Variants in MGAT4C observed in about 807,000 individuals in gnomAD.
MGAT4C encodes the protein MGAT4 family member C.
A neutral mutation model predicts 40.1 loss-of-function variants in MGAT4C; 19 were observed. That is an observed-to-expected ratio of 0.47 (90% CI 0.33 to 0.70). The LOEUF is 0.70. Among genes scored for constraint, MGAT4C ranks in the 30% least tolerant of loss-of-function variants. MGAT4C has a pLI of 0.02. For synonymous variants in MGAT4C, 181 were observed against 187.1 expected (o/e 0.97, Z 0.27); for missense variants, 491 against 563.2 (o/e 0.87, Z 1.30).
At chr12:86,769,801 T>G (rs1029086072) in intron 1 of MGAT4C, among the ~76,000 whole-genome samples, 9 of 151,884 alleles carry the variant, frequency 5.9e-5, no homozygotes, top group Non-Finnish European at 1.0e-4. Flanking sequence ...CACTCATAGG[T>G]GAGAACTGAA....
intron 1 of MGAT4C, among the ~76,000 whole-genome samples, chr12:86,226,111 T>C (rs1452392642): frequency 1.3e-5 from 2 of 148,898 alleles, no homozygotes; most frequent in Non-Finnish European, 3.0e-5. Flanking sequence ...ACATGTCATA[T>C]CAACATGAAA....
At chr12:86,242,331 G>A (rs1376858700) in intron 1 of MGAT4C, among the ~76,000 whole-genome samples, 2 of 152,116 alleles carry the variant, frequency 1.3e-5, no homozygotes, top group Non-Finnish European at 2.9e-5. Flanking sequence ...CACTCGCCAC[G>A]AAGCTGGATT....
intron 2 of MGAT4C, among the ~76,000 whole-genome samples, chr12:86,540,097 A>G (rs146471297): frequency 0.01 from 1,573 of 152,276 alleles, 16 homozygotes; most frequent in East Asian, 0.038. Flanking sequence ...GTCCTTGCCC[A>G]TGCCTATGTC....
chr12:86,045,930 T>C (rs993211409), intron 2 of MGAT4C, among the ~76,000 whole-genome samples: 6 of 152,188 alleles, frequency 3.9e-5, no homozygotes. Context: ...TGTATTTTAT[T>C]AGTGTGATCC....
intron 2 of MGAT4C, among the ~76,000 whole-genome samples, chr12:86,670,658 A>C (rs1415657229): frequency 6.6e-6 from 1 of 152,228 alleles, no homozygotes; most frequent in African/African-American, 2.4e-5. Context: ...AAAATTCAAG[A>C]AAATTTCTCT....
In MGAT4C at chr12:86,502,895, TATATATATATATGAGTTCTGCTC is replaced by T. The variant is rs1565809010; in HGVS notation, c.-228-67653_-228-67631del. On this transcript the variant is annotated intron_variant, in intron 2 of 7. Coordinates refer to the MGAT4C transcript ENST00000548651. ...TATATATATATGAGTTCTGCTCATATATATATATATATGAGTTCTGCTCATATATATATATATATGAGTTCTGC... is the reference window on the plus strand; with the variant it reads ...TATATATATATGAGTTCTGCTCATATATATATATATATATATGAGTTCTGC... 3.2e-3 allele frequency among the ~76,000 whole-genome samples: 127 copies of T among 39,440 alleles called. 21 individuals are homozygous for T. The highest frequency in any genetic ancestry group is 4.5e-3 in the Non-Finnish European group (89 of 19,848). The allele number at this position is 39,440 out of a possible 152,430, so 25.9% of individuals were successfully genotyped here. A position where few individuals can be genotyped will look rare whatever the true frequency, so the allele number is the denominator to read the frequency against.
intron 3 of MGAT4C, among the ~76,000 whole-genome samples, chr12:86,413,960 A>G (rs1956654935): frequency 6.6e-6 from 1 of 152,142 alleles, no homozygotes; most frequent in Non-Finnish European, 1.5e-5. Context: ...CTATTTTTTA[A>G]GTAACCAGAA....
chr12:86,532,680 G>T (rs1770639603), intron 2 of MGAT4C, among the ~76,000 whole-genome samples: 1 of 151,940 alleles, frequency 6.6e-6, no homozygotes, highest in Non-Finnish European at 1.5e-5. Flanking sequence ...ATTAAATATG[G>T]TTCTGATAAG....
intron 3 of MGAT4C, among the ~76,000 whole-genome samples, chr12:86,416,188 C>T (rs1430493200): frequency 6.6e-6 from 1 of 151,936 alleles, no homozygotes; most frequent in Non-Finnish European, 1.5e-5. Context: ...GACAATATGC[C>T]AAACCTGTTG....
chr12:86,447,831 A>T (rs1159256738), intron 2 of MGAT4C, among the ~76,000 whole-genome samples: 2 of 152,204 alleles, frequency 1.3e-5, no homozygotes, highest in East Asian at 1.9e-4. Flanking sequence ...GTACTTGCTG[A>T]TCTCTCCAAG....
At chr12:86,707,599 C>A (rs558573221) in intron 2 of MGAT4C, among the ~76,000 whole-genome samples, 1 of 151,290 alleles carries the variant, frequency 6.6e-6, no homozygotes, top group South Asian at 2.1e-4. Flanking sequence ...GGCACAATCA[C>A]AGCTCACTGC....
chr12:86,382,050 A>T (rs1955942061), intron 3 of MGAT4C, among the ~76,000 whole-genome samples: 1 of 152,176 alleles, frequency 6.6e-6, no homozygotes, highest in Admixed American at 6.5e-5. Flanking sequence ...GAAAATGTGG[A>T]AGCGACTTTG....
intron 1 of MGAT4C, among the ~76,000 whole-genome samples, chr12:86,078,784 G>C (rs1393817537): frequency 1.3e-5 from 2 of 152,118 alleles, no homozygotes; most frequent in Non-Finnish European, 2.9e-5. Flanking sequence ...TGGGCAAAGA[G>C]GCTGATTGCC....
In MGAT4C at chr12:86,306,777, C is replaced by T. The variant is rs1046886058; in HGVS notation, c.-57+27288G>A. Among the ~76,000 whole-genome samples, 11 of 150,108 alleles carry T rather than the reference C, an allele frequency of 7.3e-5. 1 individual carries two copies. The highest frequency in any genetic ancestry group is 1.2e-4 in the Non-Finnish European group (8 of 67,922). On this transcript the variant is annotated intron_variant, in intron 4 of 7. Transcript: ENST00000548651. ...TAAGGTATGTAGGGGAACAGTGCAG[C>T]GATTCTACAAATATTTTTGAAATGT...
intron 1 of MGAT4C, among the ~76,000 whole-genome samples, chr12:86,134,943 T>G (rs1483406999): frequency 6.6e-6 from 1 of 152,146 alleles, no homozygotes; most frequent in African/African-American, 2.4e-5. Flanking sequence ...TATGAGGTAT[T>G]ATTCATGGTA....
intron 4 of MGAT4C, among the ~76,000 whole-genome samples, chr12:86,301,178 C>T (rs1478401379): frequency 6.6e-6 from 1 of 152,162 alleles, no homozygotes; most frequent in Non-Finnish European, 1.5e-5. Context: ...TATAGACCAT[C>T]TCAAAGGGTT....
intron 3 of MGAT4C, among the ~76,000 whole-genome samples, chr12:86,364,559 C>T (rs1955551659): frequency 1.3e-5 from 2 of 152,138 alleles, no homozygotes; most frequent in African/African-American, 4.8e-5. Flanking sequence ...AGGGAATCCT[C>T]TCCCTATCGG....
At chr12:86,609,909 G>C (rs1346999996) in intron 2 of MGAT4C, among the ~76,000 whole-genome samples, 1 of 151,952 alleles carries the variant, frequency 6.6e-6, no homozygotes, top group Non-Finnish European at 1.5e-5. Context: ...CTTTGACACT[G>C]CTTTTGCAAT....
At chr12:86,827,355 CAA>C (rs1242572477) in intron 1 of MGAT4C, among the ~76,000 whole-genome samples, 1 of 151,430 alleles carries the variant, frequency 6.6e-6, no homozygotes, top group Admixed American at 6.6e-5. Flanking sequence ...TCTCAACAAA[CAA>C]AGTAGACACT....
Sources: gnomAD v4.1 joint callset for allele counts (sites outside exome capture counted in the v4.1 genomes callset) on GRCh38, gnomAD v4.1.1 for gene constraint, MANE v1.5 for transcripts, NCBI Gene and HGNC (gene_info 2026-07-23, HGNC 2026-07-21) for gene names.